CDH18: variants seen among roughly 807,000 people sequenced by gnomAD.
CDH18 encodes cadherin 18.
A neutral mutation model predicts 67.9 loss-of-function variants in CDH18; 31 were observed. The ratio of observed to expected loss-of-function variants is 0.46; its 90% CI spans 0.34 to 0.62. The LOEUF (loss-of-function observed/expected upper bound fraction) is 0.62. CDH18 is among the 20% of genes least tolerant of loss of function. The pLI, the probability that CDH18 is intolerant of heterozygous loss-of-function variation, is 0.01. For missense variants in CDH18, 890 were observed against 975.5 expected, an observed-to-expected ratio of 0.91 and a Z score of 1.17; for synonymous variants, 362 against 347.2, an observed-to-expected ratio of 1.04 and a Z score of -0.48.
intron 3 of CDH18, among the ~76,000 whole-genome samples, chr5:19,780,845 C>G (rs568628827): frequency 1.2e-4 from 18 of 152,052 alleles, no homozygotes; most frequent in Admixed American, 5.2e-4. Flanking sequence ...TGGCTTTGGA[C>G]AAAGGTTTGG....
At chr5:20,184,313 T>C (rs1737926088) in intron 2 of CDH18, among the ~76,000 whole-genome samples, 1 of 152,082 alleles carries the variant, frequency 6.6e-6, no homozygotes, top group South Asian at 2.1e-4. Flanking sequence ...CTATTCTTAA[T>C]CTAAGAAATC....
chr5:19,521,534 G>A (rs185898737), intron 9 of CDH18, among the ~76,000 whole-genome samples: 2 of 151,982 alleles, frequency 1.3e-5, no homozygotes, highest in East Asian at 3.9e-4. Context: ...CTTTCTCTTT[G>A]CTAATGTATC....
At chr5:20,127,042 T>G (rs769695781) in intron 2 of CDH18, among the ~76,000 whole-genome samples, 7 of 152,214 alleles carry the variant, frequency 4.6e-5, no homozygotes, top group Non-Finnish European at 1.0e-4. Context: ...GGTTTGGCTC[T>G]GTGTCCCCAC....
At chr5:19,993,013 C>G (rs746957211), upstream of CDH18, among the ~76,000 whole-genome samples, 1 of 152,134 alleles carries the variant, frequency 6.6e-6, no homozygotes, top group African/African-American at 2.4e-5. Flanking sequence ...AGCTCCAACT[C>G]CAAACCTGCC....
At chr5:20,499,361 T>C (rs1581112648) in intron 1 of CDH18, among the ~76,000 whole-genome samples, 1 of 152,268 alleles carries the variant, frequency 6.6e-6, no homozygotes, top group African/African-American at 2.4e-5. Flanking sequence ...GTGTTTTATA[T>C]GTATTATTTT....
chr5:20,441,611 AAT>A (rs1749610219), intron 1 of CDH18, among the ~76,000 whole-genome samples: 1 of 152,028 alleles, frequency 6.6e-6, no homozygotes, highest in Admixed American at 6.5e-5. Flanking sequence ...TAATAGAGTC[AAT>A]ATAATTCTCT....
At chr5:20,434,426 C>T (rs1295113542) in intron 1 of CDH18, among the ~76,000 whole-genome samples, 1 of 151,748 alleles carries the variant, frequency 6.6e-6, no homozygotes, top group Non-Finnish European at 1.5e-5. Context: ...TGAAGGAGAC[C>T]TCAATAAGTA....
At chr5:20,087,797 T>G (rs1745102661) in intron 2 of CDH18, among the ~76,000 whole-genome samples, 2 of 152,210 alleles carry the variant, frequency 1.3e-5, no homozygotes, top group African/African-American at 4.8e-5. Context: ...CTTGCTTGTT[T>G]GTGATGTTCT....
intron 1 of CDH18, among the ~76,000 whole-genome samples, chr5:20,532,640 C>T (rs1231219396): frequency 6.6e-6 from 1 of 152,022 alleles, no homozygotes; most frequent in East Asian, 1.9e-4. Context: ...TCTCTTATCC[C>T]AGAATGTTTT....
chr5:19,999,370 C>T (rs1459323512), intron 2 of CDH18, among the ~76,000 whole-genome samples: 6 of 152,098 alleles, frequency 3.9e-5, no homozygotes, highest in South Asian at 2.1e-4. Flanking sequence ...AAGGCCAAGG[C>T]GGGTGTATCA....
chr5:20,199,966 GC>G (rs1269965485), intron 2 of CDH18, among the ~76,000 whole-genome samples: 1 of 152,038 alleles, frequency 6.6e-6, no homozygotes, highest in East Asian at 1.9e-4. Context: ...GGCCTCCCCG[GC>G]CATATGCAAC....
At chr5:19,720,071 CATG>C (rs1401800401) in intron 5 of CDH18, among the ~76,000 whole-genome samples, 1 of 151,984 alleles carries the variant, frequency 6.6e-6, no homozygotes, top group East Asian at 1.9e-4. Context: ...CTCTTGTAAA[CATG>C]ATAATGACAA....
At chr5:19,929,986 T>C (rs1029441250) in intron 2 of CDH18, among the ~76,000 whole-genome samples, 19 of 152,040 alleles carry the variant, frequency 1.2e-4, no homozygotes, top group African/African-American at 4.6e-4. Context: ...TAGGTTCAGA[T>C]GTATAATGAC....
chr5:19,991,093 T>G (rs1299586469), upstream of CDH18, among the ~76,000 whole-genome samples: 1 of 152,162 alleles, frequency 6.6e-6, no homozygotes, highest in East Asian at 1.9e-4. Context: ...AAGATAAAAT[T>G]GTCATGCTAA....
chr5:19,901,265 A>G (rs1368135651), intron 2 of CDH18, among the ~76,000 whole-genome samples: 1 of 152,096 alleles, frequency 6.6e-6, no homozygotes, highest in Non-Finnish European at 1.5e-5. Context: ...TGCCATTGAT[A>G]ATTTTAGTGA....
chr5:19,732,263 A>C (rs1767701523), intron 4 of CDH18, among the ~76,000 whole-genome samples: 1 of 152,048 alleles, frequency 6.6e-6, no homozygotes, highest in Admixed American at 6.6e-5. Context: ...CAACATAGAG[A>C]TACCTAGTTT....
intron 1 of CDH18, among the ~76,000 whole-genome samples, chr5:20,329,122 A>C (rs950895804): frequency 1.3e-5 from 2 of 152,218 alleles, no homozygotes; most frequent in African/African-American, 4.8e-5. Context: ...AGGAGCTAAT[A>C]GCTATAAACC....
At chr5:19,896,972 T>C (rs1474116088) in intron 2 of CDH18, among the ~76,000 whole-genome samples, 2 of 152,184 alleles carry the variant, frequency 1.3e-5, no homozygotes, top group Admixed American at 6.5e-5. Flanking sequence ...GATAGAGTTG[T>C]TTCATTGTTA....
At chr5:20,149,869 G>A (rs1750964839) in intron 2 of CDH18, among the ~76,000 whole-genome samples, 1 of 151,944 alleles carries the variant, frequency 6.6e-6, no homozygotes, top group African/African-American at 2.4e-5. Context: ...AAATAGAGAA[G>A]ATCACTAGGA....
Sources: gnomAD v4.1 joint callset for allele counts (sites outside exome capture counted in the v4.1 genomes callset) on GRCh38, gnomAD v4.1.1 for gene constraint, MANE v1.5 for transcripts, NCBI Gene and HGNC (gene_info 2026-07-23, HGNC 2026-07-21) for gene names.